Variants in MYH14 observed in about 807,000 individuals in gnomAD.
MYH14 encodes myosin heavy chain 14, also known as myosin-14.
A neutral mutation model predicts 255.5 loss-of-function variants in MYH14; 123 were observed. The observed-to-expected ratio is 0.48, with a 90% CI of 0.42 to 0.56. The LOEUF (loss-of-function observed/expected upper bound fraction) is 0.56. Ranked by LOEUF, MYH14 falls within the 20% of genes least tolerant of loss-of-function variation. The pLI, the probability that MYH14 is intolerant of heterozygous loss-of-function variation, is 0.00. For synonymous variants in MYH14, 1,095 were observed against 1,161.2 expected, an observed-to-expected ratio of 0.94 and a Z score of 1.16; for missense variants, 2,423 against 2,802.3, an observed-to-expected ratio of 0.86 and a Z score of 3.06.
At chr19:50,246,762 CT>C (rs1437788545) in intron 11 of MYH14, among the ~76,000 whole-genome samples, 1 of 152,236 alleles carries the variant, frequency 6.6e-6, no homozygotes, top group Non-Finnish European at 1.5e-5. Context: ...CAACACTGCG[CT>C]GAACATCCTT....
At chr19:50,306,243 G>A (rs1457786350) in intron 40 of MYH14, among the ~76,000 whole-genome samples, 1 of 152,098 alleles carries the variant, frequency 6.6e-6, no homozygotes, top group Non-Finnish European at 1.5e-5. Flanking sequence ...TCGTGCCTTT[G>A]CACTCCAGCC....
Position 50,230,904 on chromosome 19 carries a change from T to C in MYH14, c.973+281T>C. ...CTGGTGGCTCCTGCTCACGCTCGCT[T>C]CCGAAGCTCCGTGGCTTCTCTCTCG... On this transcript the variant is annotated intron_variant, in intron 9 of 42. Transcript: ENST00000642316. This position sits in a 1 kb window ranked among gnomAD's most constrained non-coding sequence, Gnocchi z 4.7. 1 of 440,004 alleles carries C rather than the reference T, an allele frequency of 2.3e-6. No homozygotes were observed. The allele number at this position is 440,004 out of a possible 1,614,324, so 27.3% of individuals were successfully genotyped here.
chr19:50,231,750 G>A (rs1044873121), intron 9 of MYH14, among the ~76,000 whole-genome samples, 180 bp from the exon 10 acceptor site: 1 of 151,550 alleles, frequency 6.6e-6, no homozygotes, highest in Middle Eastern at 3.2e-3. Context: ...CAGAGTGGTG[G>A]TCTCATAGGT....
chr19:50,265,520 TAAATC>T (rs1160736653), intron 22 of MYH14, among the ~76,000 whole-genome samples: 1 of 150,966 alleles, frequency 6.6e-6, no homozygotes, highest in Admixed American at 6.6e-5. Context: ...CTTGAAAAAA[TAAATC>T]AAAATTAAAA....
intron 12 of MYH14, 68 bp downstream of exon 12, chr19:50,247,190 T>C: frequency 2.7e-6 from 3 of 1,102,580 alleles, no homozygotes; most frequent in Non-Finnish European, 4.1e-6. Context: ...CTTTAAACAG[T>C]GTATGCTGTT....
chr19:50,286,324 G>A, intron 33 of MYH14, 158 bp from the exon 34 acceptor site: 1 of 695,142 alleles, frequency 1.4e-6, no homozygotes, highest in South Asian at 2.0e-5. Flanking sequence ...TTGGGACACG[G>A]TTGCAACTTT....
At chr19:50,235,354 CAA>C (rs34278236) in intron 10 of MYH14, among the ~76,000 whole-genome samples, 30 of 122,858 alleles carry the variant, frequency 2.4e-4, no homozygotes, top group East Asian at 4.7e-4. Context: ...AGACTCCATC[CAA>C]AAAAAAAAAA....
At chr19:50,251,872 C>T (rs1311499283) in intron 15 of MYH14, among the ~76,000 whole-genome samples, 1 of 152,172 alleles carries the variant, frequency 6.6e-6, no homozygotes, top group African/African-American at 2.4e-5. Context: ...GCCACCGCGC[C>T]CAGCCCTATT....
intron 33 of MYH14, among the ~76,000 whole-genome samples, chr19:50,283,645 A>G (rs2035795585): frequency 6.6e-6 from 1 of 152,148 alleles, no homozygotes; most frequent in South Asian, 2.1e-4. Context: ...ACATTTCCCT[A>G]ATGACCAGTG....
intron 29 of MYH14, 29 bp from the exon 30 acceptor site, chr19:50,278,054 G>GA (rs772558909): frequency 8.0e-6 from 12 of 1,506,154 alleles, no homozygotes; most frequent in African/African-American, 1.4e-5. Context: ...AGGCCTCATA[G>GA]ATCTTTGCTC....
chr19:50,292,174 G>A (rs2036097797), intron 36 of MYH14, 87 bp from the exon 37 acceptor site: 3 of 1,353,394 alleles, frequency 2.2e-6, no homozygotes, highest in East Asian at 5.5e-5. Context: ...GGGAGCTGAG[G>A]AGCCCCGTCG....
chr19:50,249,835 G>A lies in MYH14; in HGVS notation c.1656+12G>A, dbSNP rs1346560763. ...TCATCGAGCGGCCGGTGAGCCCCAGGCCCCTCCCAGCCCACACTCACGGTT... is the reference window on the plus strand; with the variant it reads ...TCATCGAGCGGCCGGTGAGCCCCAGACCCCTCCCAGCCCACACTCACGGTT... On this transcript the variant is annotated intron_variant, in intron 14 of 42. Transcript: ENST00000642316. The A allele has an allele frequency of 6.2e-7, 1 of 1,613,528 alleles. No individual in the cohort carries two copies. Among genetic ancestry groups the A allele is most frequent in the East Asian group, 2.2e-5 (1 of 44,878 alleles).
intron 5 of MYH14, 34 bp from the exon 6 acceptor site, chr19:50,224,120 C>T (rs1187748869): frequency 6.5e-7 from 1 of 1,550,176 alleles, no homozygotes; most frequent in Non-Finnish European, 8.8e-7. Flanking sequence ...GTGCTGTGTC[C>T]TGGTCCGTGT....
chr19:50,249,358 T>A (rs2034266104), intron 13 of MYH14: 3 of 626,506 alleles, frequency 4.8e-6, no homozygotes, highest in Non-Finnish European at 8.1e-6. Flanking sequence ...CTGTCCCCTG[T>A]CTCTGGGTCT....
intron 1 of MYH14, 56 bp from the exon 2 acceptor site, chr19:50,210,307 G>T: frequency 6.8e-7 from 1 of 1,465,750 alleles, no homozygotes; most frequent in East Asian, 2.7e-5. Context: ...GTAGGGAAGG[G>T]AGGCCCGGGG....
intron 39 of MYH14, among the ~76,000 whole-genome samples, chr19:50,296,469 A>G (rs890930302): frequency 6.6e-6 from 1 of 151,992 alleles, no homozygotes; most frequent in Non-Finnish European, 1.5e-5. Flanking sequence ...GCCAGGTGCG[A>G]TGGCGGGCAC....
At chr19:50,297,590 C>T (rs1171962716) in intron 39 of MYH14, among the ~76,000 whole-genome samples, 1 of 149,296 alleles carries the variant, frequency 6.7e-6, no homozygotes, top group Non-Finnish European at 1.5e-5. Flanking sequence ...CTTCACCTCC[C>T]GGGTTCAAGC....
In MYH14 at chr19:50,263,389, G is replaced by A. The variant is rs759689014; in HGVS notation, c.2663G>A (p.Arg888Lys). The A allele has an allele frequency of 6.2e-7, 1 of 1,604,702 alleles. No homozygotes were observed. The highest frequency in any genetic ancestry group is 8.5e-7 in the Non-Finnish European group (1 of 1,175,822). ...QRNCAAYLKLRHWQWWRLFTK... is the reference protein window; with the variant it reads ...QRNCAAYLKLKHWQWWRLFTK... ...AACTGCGCGGCCTACCTCAAGCTGA[G>A]ACACTGGCAGTGGTGGCGGCTGTTT... is the stretch of plus-strand genomic sequence containing the variant. The change falls in exon 22 of 43, where the codon AGA (arginine) becomes AAA (lysine). Residue 888 changes from arginine (R) to lysine (K), a missense_variant. Physicochemically the swap from Arg to Lys is conservative, Grantham distance 26. This residue lies in a region of MYH14 where 1,513 missense variants were observed against 1,674.8 expected (regional missense o/e 0.90). Coordinates refer to ENST00000642316, the MANE Select transcript of MYH14 (RefSeq NM_001145809.2).
chr19:50,250,999 G>T lies in MYH14; in HGVS notation c.1830+311G>T, dbSNP rs2034350560. ...GGTGCCATTTGTGTGCCCAGCTCGG[G>T]GCCGAGCAAAGCTGGATACACAGAT... On this transcript the variant is annotated intron_variant, in intron 15 of 42. Transcript: ENST00000642316. This position sits in a 1 kb window ranked among gnomAD's most constrained non-coding sequence, Gnocchi z 5.4. Among the ~76,000 whole-genome samples the T allele has an allele frequency of 6.6e-6, 1 of 152,178 alleles. No individual in the cohort carries two copies. Among genetic ancestry groups the T allele is most frequent in the Non-Finnish European group, 1.5e-5 (1 of 68,030 alleles).
Sources: gnomAD v4.1 joint callset for allele counts (sites outside exome capture counted in the v4.1 genomes callset) on GRCh38, gnomAD v4.1.1 for gene constraint, gnomAD v4.1.1 regional missense constraint, Gnocchi (gnomAD v3.1) non-coding constraint, MANE v1.5 for transcripts, NCBI Gene and HGNC (gene_info 2026-07-23, HGNC 2026-07-21) for gene names.